SSH2: variants seen among roughly 807,000 people sequenced by gnomAD.
The protein encoded by SSH2 is protein phosphatase Slingshot homolog 2.
Under a neutral mutation model 135.2 loss-of-function variants are expected in SSH2, and 37 were observed. The observed-to-expected ratio is 0.27, with a 90% CI of 0.21 to 0.36. SSH2 has a LOEUF of 0.36. SSH2 is among the 10% of genes least tolerant of loss of function. The probability of loss-of-function intolerance (pLI) is 1.00; values close to 1 mark genes in which losing one functional copy is unlikely to be tolerated. For missense variants in SSH2, 1,408 were observed against 1,765.3 expected (o/e 0.80, Z 3.63); for synonymous variants, 628 against 646.2 (o/e 0.97, Z 0.43).
intron 2 of SSH2, among the ~76,000 whole-genome samples, chr17:29,823,752 T>C (rs2042695287): frequency 6.6e-6 from 1 of 151,734 alleles, no homozygotes; most frequent in Admixed American, 6.6e-5. Context: ...GGTGACGCGT[T>C]CCTGTAATCC....
At chr17:29,793,005 C>T (rs1258230300) in intron 3 of SSH2, among the ~76,000 whole-genome samples, 2 of 152,026 alleles carry the variant, frequency 1.3e-5, no homozygotes, top group Admixed American at 6.6e-5. Context: ...TCCCTTTAGC[C>T]AGCTTCTTCA....
chr17:29,750,334 A>G (rs1335787189), intron 3 of SSH2, among the ~76,000 whole-genome samples: 3 of 150,932 alleles, frequency 2.0e-5, no homozygotes, highest in Non-Finnish European at 4.4e-5. Flanking sequence ...AGCTACTTGG[A>G]AGGCTGAGGC....
chr17:29,837,953 C>T (rs2042971505), intron 2 of SSH2, among the ~76,000 whole-genome samples: 1 of 152,252 alleles, frequency 6.6e-6, no homozygotes, highest in African/African-American at 2.4e-5. Context: ...AACCTGGGCA[C>T]CCCTGTGCTC....
chr17:29,921,654 G>A (rs2066978300), intron 1 of SSH2, among the ~76,000 whole-genome samples: 3 of 151,822 alleles, frequency 2.0e-5, no homozygotes, highest in Admixed American at 6.6e-5. Flanking sequence ...TTGGCTCACT[G>A]CAACCTCTGC....
intron 3 of SSH2, among the ~76,000 whole-genome samples, chr17:29,732,190 T>A (rs2151189087): frequency 6.6e-6 from 1 of 152,344 alleles, no homozygotes; most frequent in African/African-American, 2.4e-5. Context: ...TAATGATATC[T>A]ACCTTGTCTC....
chr17:29,722,328 A>C (rs1567915807), intron 3 of SSH2, among the ~76,000 whole-genome samples: 1 of 152,142 alleles, frequency 6.6e-6, no homozygotes, highest in Non-Finnish European at 1.5e-5. Flanking sequence ...CTAAATATTA[A>C]AAAAATCCTT....
At chr17:29,684,785 G>A in intron 5 of SSH2, 101 bp from the exon 6 acceptor site, 2 of 1,098,476 alleles carry the variant, frequency 1.8e-6, no homozygotes, top group South Asian at 1.6e-5. Context: ...ACTCACGAAG[G>A]CAGCAGAGCC....
intron 5 of SSH2, among the ~76,000 whole-genome samples, chr17:29,694,029 T>C (rs2151100703): frequency 6.6e-6 from 1 of 152,328 alleles, no homozygotes; most frequent in Middle Eastern, 3.4e-3. Flanking sequence ...TGGCCCAAGA[T>C]GGCTTTCAAT....
intron 11 of SSH2, among the ~76,000 whole-genome samples, chr17:29,659,750 G>C (rs982291983): frequency 1.3e-5 from 2 of 152,022 alleles, no homozygotes; most frequent in Admixed American, 1.3e-4. Flanking sequence ...GGATGGTCTA[G>C]ATCTCCTGAC....
chr17:29,834,122 TATA>T (rs1341135301), intron 2 of SSH2, among the ~76,000 whole-genome samples: 1 of 151,934 alleles, frequency 6.6e-6, no homozygotes, highest in African/African-American at 2.4e-5. Flanking sequence ...ATTAACTTGA[TATA>T]ATATTTTTTA....
intron 5 of SSH2, among the ~76,000 whole-genome samples, chr17:29,694,551 C>G (rs1323135252): frequency 6.6e-6 from 1 of 152,168 alleles, no homozygotes; most frequent in Non-Finnish European, 1.5e-5. Flanking sequence ...CGCCTGTAGT[C>G]CCAGCTGCTC....
At chr17:29,800,014 C>A (rs534348422) in intron 2 of SSH2, among the ~76,000 whole-genome samples, 2 of 152,176 alleles carry the variant, frequency 1.3e-5, no homozygotes, top group East Asian at 1.9e-4. Context: ...AAAGTAATAT[C>A]CTTTGCATCT....
chr17:29,754,006 C>T (rs1021118669), intron 3 of SSH2, among the ~76,000 whole-genome samples: 1 of 152,100 alleles, frequency 6.6e-6, no homozygotes, highest in African/African-American at 2.4e-5. Flanking sequence ...ACAAGAAATG[C>T]TTGTTCTAGT....
chr17:29,761,483 C>A (rs1054211206), intron 3 of SSH2: 2 of 984,730 alleles, frequency 2.0e-6, no homozygotes, highest in African/African-American at 1.8e-5. Flanking sequence ...GCGGGACGGG[C>A]GGGTCCTGAG....
chr17:29,923,049 G>A (rs112662465), intron 1 of SSH2, among the ~76,000 whole-genome samples: 9 of 152,164 alleles, frequency 5.9e-5, no homozygotes, highest in Non-Finnish European at 1.0e-4. Context: ...TAGCTGGAAC[G>A]ACAGGCATGT....
intron 14 of SSH2, among the ~76,000 whole-genome samples, chr17:29,642,489 A>T (rs1038787028): frequency 5.3e-5 from 8 of 152,246 alleles, no homozygotes; most frequent in African/African-American, 1.9e-4. Flanking sequence ...AGATACCTGC[A>T]TGATCAGAGT....
At chr17:29,761,611 G>C (rs2041311277) in intron 3 of SSH2, among the ~76,000 whole-genome samples, 1 of 152,126 alleles carries the variant, frequency 6.6e-6, no homozygotes, top group Admixed American at 6.5e-5. Flanking sequence ...CTGCTGCCTC[G>C]GTAAGGGAGT....
At chr17:29,854,427 G>A (rs2065625205) in intron 1 of SSH2, among the ~76,000 whole-genome samples, 1 of 151,830 alleles carries the variant, frequency 6.6e-6, no homozygotes, top group South Asian at 2.1e-4. Context: ...TAAGTATTGT[G>A]TGGAGAAAAA....
rs1166248123 is a variant in SSH2, at chr17:29,740,894, C to A, written c.189-37832G>T. On this transcript the variant is annotated intron_variant, in intron 3 of 15. Coordinates refer to ENST00000540801, the MANE Select transcript of SSH2 (RefSeq NM_001282129.2). ...TTGCTTATCTTTTGGCTTTAAAATT[C>A]TTTAAGTCTAAAATGGTGATAATTT... Among the ~76,000 whole-genome samples the A allele has an allele frequency of 2.0e-5, 3 of 152,192 alleles. No homozygotes were observed. In the East Asian group the frequency reaches 5.8e-4, roughly 29 times the overall value.
Sources: allele counts gnomAD v4.1 joint callset (sites outside exome capture counted in the v4.1 genomes callset), GRCh38; gene constraint gnomAD v4.1.1; transcripts MANE v1.5; gene names NCBI Gene and HGNC (gene_info 2026-07-23, HGNC 2026-07-21).